The following DSCAM variants were observed in gnomAD, a reference collection of about 807,000 sequenced individuals.
DSCAM encodes the protein DS cell adhesion molecule, also known as cell adhesion molecule DSCAM.
In DSCAM, 47 loss-of-function variants were observed where a neutral mutation model predicts 217.7. That is an observed-to-expected ratio of 0.22 (90% CI 0.17 to 0.28). The LOEUF (loss-of-function observed/expected upper bound fraction) is 0.28, where lower values mean the gene tolerates loss of function less well. DSCAM is among the 10% of genes least tolerant of loss of function. DSCAM has a pLI of 1.00. For missense variants in DSCAM, 2,080 were observed against 2,618.3 expected, an observed-to-expected ratio of 0.79 and a Z score of 4.49; for synonymous variants, 1,056 against 1,015.3, an observed-to-expected ratio of 1.04 and a Z score of -0.76.
chr21:40,702,381 A>C (rs2090665982), intron 2 of DSCAM, among the ~76,000 whole-genome samples: 1 of 152,228 alleles, frequency 6.6e-6, no homozygotes, highest in Non-Finnish European at 1.5e-5. Context: ...TGCTCTGAGC[A>C]AACAGTGTAT....
At chr21:40,631,849 G>A (rs2089695585) in intron 3 of DSCAM, among the ~76,000 whole-genome samples, 1 of 152,112 alleles carries the variant, frequency 6.6e-6, no homozygotes, top group South Asian at 2.1e-4. Context: ...GGCTTGTGGT[G>A]CAGAAGGAAA....
intron 3 of DSCAM, among the ~76,000 whole-genome samples, chr21:40,376,616 G>GATATCGATATCTATATATCTT (rs2074962492): frequency 8.0e-6 from 1 of 125,626 alleles, no homozygotes; most frequent in African/African-American, 3.3e-5. Flanking sequence ...ATCTTATATA[G>GATATCGATATCTATATATCTT]ATATCGATAT....
chr21:40,842,263 G>A (rs539655227), intron 1 of DSCAM, among the ~76,000 whole-genome samples: 5 of 152,202 alleles, frequency 3.3e-5, no homozygotes, highest in Non-Finnish European at 2.9e-5. Flanking sequence ...GCCCACACGC[G>A]CTTGTTTGTG....
At chr21:40,135,382 A>T (rs1044625732) in intron 18 of DSCAM, among the ~76,000 whole-genome samples, 2 of 152,264 alleles carry the variant, frequency 1.3e-5, no homozygotes, top group African/African-American at 4.8e-5. Flanking sequence ...ACAGATAGTA[A>T]CTTATACAAC....
At position 40,012,855 on chromosome 21, in the gene DSCAM, A is replaced by T; in HGVS notation, c.*179T>A. On this transcript the variant is annotated 3_prime_UTR_variant, in exon 33 of 33. Coordinates refer to ENST00000400454, the MANE Select transcript of DSCAM (RefSeq NM_001389.5). ...CCAGGCGGATGGAGCTCACACTCAG[A>T]CAGAAAAAAAGCAGGAGAGTCTTTG... 4.4e-6 allele frequency: 2 copies of T among 452,926 alleles called. No individual in the cohort carries two copies. Among genetic ancestry groups the T allele is most frequent in the Non-Finnish European group, 7.2e-6 (2 of 278,546 alleles). 28.1% of individuals were successfully genotyped at this position (452,926 alleles called of 1,614,324 possible).
intron 1 of DSCAM, among the ~76,000 whole-genome samples, chr21:40,723,088 CTCT>C (rs1174628816): frequency 6.9e-6 from 1 of 144,226 alleles, no homozygotes; most frequent in Non-Finnish European, 1.5e-5. Flanking sequence ...GTCTCTCTCG[CTCT>C]TTTTTTTTTT....
intron 20 of DSCAM, among the ~76,000 whole-genome samples, chr21:40,103,944 T>C (rs2089785874): frequency 6.6e-6 from 1 of 151,998 alleles, no homozygotes; most frequent in Non-Finnish European, 1.5e-5. Flanking sequence ...CTTCCAAATA[T>C]AAAAGTTATT....
At chr21:40,815,696 G>C (rs2091875247) in intron 1 of DSCAM, among the ~76,000 whole-genome samples, 1 of 152,156 alleles carries the variant, frequency 6.6e-6, no homozygotes, top group South Asian at 2.1e-4. Flanking sequence ...AATTTTGTGA[G>C]GTAGACAGGA....
At chr21:40,489,801 AT>A (rs367797808) in intron 3 of DSCAM, among the ~76,000 whole-genome samples, 3 of 149,956 alleles carry the variant, frequency 2.0e-5, no homozygotes, top group East Asian at 2.0e-4. Flanking sequence ...AAAAAAAAAA[AT>A]AAGTACCATT....
chr21:40,605,560 A>G (rs544235298), intron 3 of DSCAM, among the ~76,000 whole-genome samples: 1 of 152,274 alleles, frequency 6.6e-6, no homozygotes, highest in African/African-American at 2.4e-5. Context: ...GAAAGTAGCC[A>G]TAAACAAAAT....
In DSCAM at chr21:40,453,077, TGTGTGTGTGTGTGTGA is replaced by T. The variant is rs1247047973; in HGVS notation, c.509-83848_509-83833del. On this transcript the variant is annotated intron_variant, in intron 3 of 32. Transcript: ENST00000400454. ...GTGTGTGTGTGTGTGTGTGTGTGTGTGTGTGTGTGTGTGTGAGATATATGTGTATATCTACACATAC... is the reference window on the plus strand; with the variant it reads ...GTGTGTGTGTGTGTGTGTGTGTGTGTGATATATGTGTATATCTACACATAC... 4.5e-3 allele frequency among the ~76,000 whole-genome samples: 579 copies of T among 129,896 alleles called. 3 individuals are homozygous for T. Among genetic ancestry groups the T allele is most frequent in the African/African-American group, 0.014 (495 of 34,282 alleles). The allele number at this position is 129,896 out of a possible 152,430, so 85.2% of individuals were successfully genotyped here. A position where few individuals can be genotyped will look rare whatever the true frequency, so the allele number is the denominator to read the frequency against.
At chr21:40,470,754 A>T (rs1353734311) in intron 3 of DSCAM, among the ~76,000 whole-genome samples, 1 of 152,166 alleles carries the variant, frequency 6.6e-6, no homozygotes, top group South Asian at 2.1e-4. Flanking sequence ...GGGTTTCCCC[A>T]TGGTGCCTAG....
intron 31 of DSCAM, among the ~76,000 whole-genome samples, chr21:40,043,556 C>T (rs1160560291): frequency 6.6e-6 from 1 of 152,218 alleles, no homozygotes; most frequent in Non-Finnish European, 1.5e-5. Context: ...CCTGTCTTCT[C>T]TCTGAAGTGA....
chr21:40,317,416 G>A lies in DSCAM; in HGVS notation c.1784-5057C>T, dbSNP rs947844330. ...CAAGTGAGTACAGTGATTTATGGAC[G>A]TGCCCATTTTCTTAAGTAGAGTGAC... On this transcript the variant is annotated intron_variant, in intron 8 of 32. Transcript: ENST00000400454. Among the ~76,000 whole-genome samples the A allele has an allele frequency of 5.9e-5, 9 of 152,266 alleles. No homozygotes were observed. The South Asian group carries it at 1.0e-3, about 18-fold the overall frequency.
At chr21:40,246,981 G>T (rs114696736) in intron 11 of DSCAM, among the ~76,000 whole-genome samples, 1,974 of 152,204 alleles carry the variant, frequency 0.013, 54 homozygotes, top group African/African-American at 0.046. Context: ...ATCATGGGGC[G>T]CAGGGAAAGG....
At chr21:40,670,299 C>A (rs1198945770) in intron 3 of DSCAM, among the ~76,000 whole-genome samples, 1 of 152,158 alleles carries the variant, frequency 6.6e-6, no homozygotes, top group Non-Finnish European at 1.5e-5. Flanking sequence ...AACCACCGTT[C>A]TAACTTTCTG....
chr21:40,758,432 GCGTGAACC>G (rs1168256624), intron 1 of DSCAM, among the ~76,000 whole-genome samples: 1 of 151,004 alleles, frequency 6.6e-6, no homozygotes, highest in African/African-American at 2.4e-5. Flanking sequence ...CAGGAGAATG[GCGTGAACC>G]CGGGAGACGG....
At chr21:40,184,518 G>A (rs777795993) in intron 14 of DSCAM, among the ~76,000 whole-genome samples, 20 of 152,130 alleles carry the variant, frequency 1.3e-4, no homozygotes, top group Non-Finnish European at 2.2e-4. Flanking sequence ...CACTGGCCCT[G>A]TCTCTGGTTG....
chr21:40,577,456 G>GC (rs146721229), intron 3 of DSCAM, among the ~76,000 whole-genome samples: 68,217 of 151,796 alleles, frequency 0.45, 16,199 homozygotes, highest in Admixed American at 0.55. Flanking sequence ...CTCAGGTGGC[G>GC]CCCCCCTCCG....
Sources: gnomAD v4.1 joint callset for allele counts (sites outside exome capture counted in the v4.1 genomes callset) on GRCh38, gnomAD v4.1.1 for gene constraint, MANE v1.5 for transcripts, NCBI Gene and HGNC (gene_info 2026-07-23, HGNC 2026-07-21) for gene names.